The following ZNF136 variants were observed in gnomAD, a reference collection of about 807,000 sequenced individuals.
The protein encoded by ZNF136 is zinc finger protein 136.
A neutral mutation model predicts 11.4 loss-of-function variants in ZNF136; 8 were observed. The ratio of observed to expected loss-of-function variants is 0.70; its 90% CI spans 0.41 to 1.27. The LOEUF (loss-of-function observed/expected upper bound fraction) is 1.27, where lower values mean the gene tolerates loss of function less well. ZNF136 is among the 50% of genes most tolerant of loss of function. The probability of loss-of-function intolerance (pLI) is 0.01; values close to 1 mark genes in which losing one functional copy is unlikely to be tolerated. For missense variants in ZNF136, 590 were observed against 656.5 expected, an observed-to-expected ratio of 0.90 and a Z score of 1.11; for synonymous variants, 190 against 207.1, an observed-to-expected ratio of 0.92 and a Z score of 0.71.
intron 1 of ZNF136, among the ~76,000 whole-genome samples, chr19:12,175,016 C>A (rs2145633211): frequency 6.6e-6 from 1 of 151,940 alleles, no homozygotes; most frequent in African/African-American, 2.4e-5. Context: ...GCCACCACGC[C>A]CAGCTAATTT....
At position 12,188,067 on chromosome 19, in the gene ZNF136, C is replaced by T. The variant is rs534379407; in HGVS notation, c.*66C>T. The T allele has an allele frequency of 4.7e-5, 63 of 1,343,976 alleles. No homozygotes were observed. In the South Asian group the frequency reaches 8.9e-4, roughly 19 times the overall value. 83.3% of individuals were successfully genotyped at this position (1,343,976 alleles called of 1,614,324 possible). A position where few individuals can be genotyped will look rare whatever the true frequency, so the allele number is the denominator to read the frequency against. ...AGAGAAGCCCTATGAATGTAAGTAA[C>T]GTGGGAAAGCATGAAATTCTGTCAG... On this transcript the variant is annotated 3_prime_UTR_variant, in exon 4 of 4. Transcript: ENST00000343979.
chr19:12,182,522 C>T (rs1914971062), intron 1 of ZNF136, among the ~76,000 whole-genome samples: 1 of 152,220 alleles, frequency 6.6e-6, no homozygotes, highest in Non-Finnish European at 1.5e-5. Flanking sequence ...GAAAAGCTCA[C>T]CTCTTGGGAC....
intron 1 of ZNF136, among the ~76,000 whole-genome samples, chr19:12,171,978 C>CT (rs57769136): frequency 0.019 from 2,520 of 129,534 alleles, 37 homozygotes; most frequent in Middle Eastern, 0.06. Context: ...CTCTCTCTCT[C>CT]TTTTTTTTTT....
Position 12,187,175 on chromosome 19 carries a change from C to T in ZNF136, c.797C>T (p.Ser266Leu). The change falls in exon 4 of 4, where the codon TCA becomes TTA. Residue 266 changes from serine (S) to leucine (L), a missense_variant. Transcript: ENST00000343979. ...GGGAAACCCTTTCATTCTCTGAGTT[C>T]ATTTCAAGTGCATGAAAGAATTCAC... ...VCGKPFHSLS[S>L]FQVHERIHTG... 6.2e-7 allele frequency: 1 copy of T among 1,613,872 alleles called. No homozygotes were observed. The highest frequency in any genetic ancestry group is 2.2e-5 in the East Asian group (1 of 44,830).
intron 1 of ZNF136, 58 bp from the exon 2 acceptor site, chr19:12,185,727 G>A: frequency 6.3e-7 from 1 of 1,579,050 alleles, no homozygotes; most frequent in East Asian, 2.2e-5. Context: ...ATTGAGTACA[G>A]CTCCCCAGCC....
chr19:12,183,556 T>A lies in ZNF136; in HGVS notation c.4-2229T>A, dbSNP rs376321119. Among the ~76,000 whole-genome samples the A allele has an allele frequency of 8.2e-3, 599 of 72,948 alleles. 9 individuals are homozygous for A. Among genetic ancestry groups the A allele is most frequent in the African/African-American group, 0.03 (570 of 18,858 alleles). 47.9% of individuals were successfully genotyped at this position (72,948 alleles called of 152,430 possible). A position where few individuals can be genotyped will look rare whatever the true frequency, so the allele number is the denominator to read the frequency against. The stretch of plus-strand genomic sequence containing the variant: ...ATGGCTTCACATAACTGAATCTATC[T>A]ATCTATCTATCTATCTATCTATCTA... On this transcript the variant is annotated intron_variant, in intron 1 of 3. Transcript: ENST00000343979.
chr19:12,187,944 CAT>C lies in ZNF136; in HGVS notation c.1567_1568del (p.Met523ValfsTer5), dbSNP rs761294541. The C allele has an allele frequency of 6.4e-7, 1 of 1,554,226 alleles. No homozygotes were observed. Among genetic ancestry groups the C allele is most frequent in the Non-Finnish European group, 8.6e-7 (1 of 1,157,554 alleles). On this transcript the variant is annotated frameshift_variant, in exon 4 of 4. Coordinates refer to ENST00000343979, the MANE Select transcript of ZNF136 (RefSeq NM_003437.5). LOFTEE classifies it low-confidence loss of function (END_TRUNC). ...YSCRASFQRH[M>X]LTHAEDGPPY... The stretch of plus-strand genomic sequence containing the variant: ...CTTGCCGTGCCAGCTTTCAGAGACA[CAT>C]GTTAACACATGCTGAAGATGGACCA...
At chr19:12,164,010 T>C (rs1263268846) in intron 1 of ZNF136, among the ~76,000 whole-genome samples, 1 of 152,138 alleles carries the variant, frequency 6.6e-6, no homozygotes, top group African/African-American at 2.4e-5. Flanking sequence ...CAAAACTGTC[T>C]GGGGCTGACT....
chr19:12,187,168 C>A lies in ZNF136; in HGVS notation c.790C>A (p.Leu264Met). The change falls in exon 4 of 4, where the codon CTG (leucine) becomes ATG (methionine). Residue 264 changes from leucine (L) to methionine (M), a missense_variant. Coordinates refer to ENST00000343979, the MANE Select transcript of ZNF136 (RefSeq NM_003437.5). ...GGTATGTGGGAAACCCTTTCATTCT[C>A]TGAGTTCATTTCAAGTGCATGAAAG... is the stretch of plus-strand genomic sequence containing the variant. ...CKVCGKPFHS[L>M]SSFQVHERIH... 3.7e-6 allele frequency: 6 copies of A among 1,613,984 alleles called. No homozygotes were observed. Among genetic ancestry groups the A allele is most frequent in the Non-Finnish European group, 5.1e-6 (6 of 1,179,988 alleles).
chr19:12,163,108 G>A lies in ZNF136; in HGVS notation c.-96G>A. ...TTGGTTTCGCTTCGCTAGTCCCAGA[G>A]GCCCAGAGTGGCTCGCCTGGAGTCT... On this transcript the variant is annotated 5_prime_UTR_variant, in exon 1 of 4. Coordinates refer to ENST00000343979, the MANE Select transcript of ZNF136 (RefSeq NM_003437.5). 2 of 1,325,074 alleles carry A rather than the reference G, an allele frequency of 1.5e-6. No individual in the cohort carries two copies. The highest frequency in any genetic ancestry group is 2.2e-5 in the South Asian group (1 of 45,216). The allele number at this position is 1,325,074 out of a possible 1,614,324, so 82.1% of individuals were successfully genotyped here. A position where few individuals can be genotyped will look rare whatever the true frequency, so the allele number is the denominator to read the frequency against.
At chr19:12,183,665 C>G (rs1304457081) in intron 1 of ZNF136, among the ~76,000 whole-genome samples, 1 of 152,032 alleles carries the variant, frequency 6.6e-6, no homozygotes, top group African/African-American at 2.4e-5. Context: ...TGGCACCCAT[C>G]ATAGCTTGCT....
At chr19:12,168,698 G>T (rs1914555816) in intron 1 of ZNF136, among the ~76,000 whole-genome samples, 1 of 150,504 alleles carries the variant, frequency 6.6e-6, no homozygotes, top group Admixed American at 6.6e-5. Context: ...TTTTTGAGAT[G>T]GAGTTTCACT....
intron 1 of ZNF136, among the ~76,000 whole-genome samples, chr19:12,179,206 C>T (rs1031605951): frequency 6.6e-6 from 1 of 151,698 alleles, no homozygotes; most frequent in African/African-American, 2.4e-5. Context: ...GACCATAGCT[C>T]CTGTCAAAGA....
intron 1 of ZNF136, among the ~76,000 whole-genome samples, chr19:12,179,046 C>A (rs1210364290): frequency 6.6e-6 from 1 of 151,570 alleles, no homozygotes; most frequent in Admixed American, 6.6e-5. Context: ...AATCAATATT[C>A]TGTGCATACA....
Position 12,168,057 on chromosome 19 carries a change from C to CTTTTTTTTTTTTTTTTTTTTTTTT in ZNF136, c.3+4858_3+4881dup, listed in dbSNP as rs386388563. Among the ~76,000 whole-genome samples, 396 of 71,162 alleles carry CTTTTTTTTTTTTTTTTTTTTTTTT rather than the reference C, an allele frequency of 5.6e-3. 54 individuals are homozygous for CTTTTTTTTTTTTTTTTTTTTTTTT. The highest frequency in any genetic ancestry group is 0.013 in the East Asian group (27 of 2,032). The allele number at this position is 71,162 out of a possible 152,430, so 46.7% of individuals were successfully genotyped here. The stretch of plus-strand genomic sequence containing the variant: ...GCCCATTTTTTTTTCTTTTCTTTTT[C>CTTTTTTTTTTTTTTTTTTTTTTTT]TTTTTTTTTTTTTTTTTTTTTTTTT... On this transcript the variant is annotated intron_variant, in intron 1 of 3. Transcript: ENST00000343979.
At chr19:12,186,206 T>C (rs751565399) in intron 3 of ZNF136, 32 bp downstream of exon 3, 21 of 1,590,540 alleles carry the variant, frequency 1.3e-5, no homozygotes, top group Non-Finnish European at 1.7e-5. Context: ...CAAATTCACT[T>C]GAAAGTACCT....
At chr19:12,178,367 G>T (rs549987641) in intron 1 of ZNF136, among the ~76,000 whole-genome samples, 29 of 152,214 alleles carry the variant, frequency 1.9e-4, no homozygotes, top group Non-Finnish European at 3.8e-4. Flanking sequence ...TACTCTTTCT[G>T]CAGTGTCTGG....
intron 1 of ZNF136, among the ~76,000 whole-genome samples, chr19:12,183,547 G>GAATC (rs1396490770): frequency 1.4e-4 from 20 of 139,282 alleles, no homozygotes; most frequent in South Asian, 4.7e-4. Flanking sequence ...TCACATAACT[G>GAATC]AATCTATCTA....
chr19:12,179,958 C>T (rs549881441), intron 1 of ZNF136, among the ~76,000 whole-genome samples: 2 of 151,990 alleles, frequency 1.3e-5, no homozygotes, highest in Admixed American at 6.6e-5. Context: ...CTCCACCTCC[C>T]GGGTTCACAC....
Sources: gnomAD v4.1 joint callset for allele counts (sites outside exome capture counted in the v4.1 genomes callset) on GRCh38, gnomAD v4.1.1 for gene constraint, MANE v1.5 for transcripts, NCBI Gene and HGNC (gene_info 2026-07-23, HGNC 2026-07-21) for gene names.